Variants in CEP85 observed in about 807,000 individuals in gnomAD.
The protein encoded by CEP85 is centrosomal protein 85, also known as centrosomal protein of 85 kDa.
Under a neutral mutation model 93.7 loss-of-function variants are expected in CEP85, and 58 were observed. The ratio of observed to expected loss-of-function variants is 0.62; its 90% CI spans 0.50 to 0.77. The LOEUF is 0.77. Among genes scored for constraint, CEP85 ranks in the 30% least tolerant of loss-of-function variants. CEP85 has a pLI of 0.00. For missense variants in CEP85, 868 were observed against 922.0 expected (o/e 0.94, Z 0.76); for synonymous variants, 314 against 338.6 (o/e 0.93, Z 0.80).
chr1:26,272,634 T>G (rs2089993474), intron 11 of CEP85, among the ~76,000 whole-genome samples: 1 of 140,048 alleles, frequency 7.1e-6, no homozygotes, highest in Non-Finnish European at 1.5e-5. Flanking sequence ...TTTTTTTTTT[T>G]TTTTTTTTTT....
At chr1:26,247,742 AC>A (rs1325191338) in intron 3 of CEP85, among the ~76,000 whole-genome samples, 1 of 152,084 alleles carries the variant, frequency 6.6e-6, no homozygotes, top group Admixed American at 6.6e-5. Context: ...CCTGGGCTCA[AC>A]CTATCTTTCC....
rs2089969813 is a variant in CEP85 at position 26,271,195 on chromosome 1, T to A, written c.1743+88T>A. The stretch of plus-strand genomic sequence containing the variant: ...TAGGAGGGATACGTGAATTCTTGGC[T>A]TTGGGCTATCTAGGATTTGTTACCA... On this transcript the variant is annotated intron_variant, in intron 10 of 13. Coordinates refer to ENST00000451429, the MANE Select transcript of CEP85 (RefSeq NM_001319944.2). The A allele has an allele frequency of 2.0e-5, 16 of 797,026 alleles. No individual in the cohort carries two copies. The South Asian group carries it at 2.4e-4, about 12-fold the overall frequency. The allele number at this position is 797,026 out of a possible 1,614,324, so 49.4% of individuals were successfully genotyped here. A position where few individuals can be genotyped will look rare whatever the true frequency, so the allele number is the denominator to read the frequency against.
At chr1:26,237,493 A>G (rs1379481224) in intron 1 of CEP85, among the ~76,000 whole-genome samples, 1 of 152,198 alleles carries the variant, frequency 6.6e-6, no homozygotes, top group African/African-American at 2.4e-5. Context: ...GCATGTCTTC[A>G]GTGTTCATCC....
At position 26,257,878 on chromosome 1, in the gene CEP85, A is replaced by G. The variant is rs1028661619; in HGVS notation, c.1037+148A>G. On this transcript the variant is annotated intron_variant, in intron 5 of 13. Transcript: ENST00000451429. ...GTGGAGGTAGTTTGATAAGCAGCCT[A>G]GTCGTGTATATATAACTAATATAAT... 1.0e-5 allele frequency: 9 copies of G among 874,670 alleles called. No homozygotes were observed. The South Asian group carries it at 1.3e-4, about 13-fold the overall frequency. 54.2% of individuals were successfully genotyped at this position (874,670 alleles called of 1,614,324 possible).
chr1:26,253,976 C>T (rs1212703739), intron 3 of CEP85, among the ~76,000 whole-genome samples: 1 of 151,772 alleles, frequency 6.6e-6, no homozygotes, highest in Non-Finnish European at 1.5e-5. Flanking sequence ...GCCTGGGTGA[C>T]AGAGTGAGAC....
intron 3 of CEP85, among the ~76,000 whole-genome samples, chr1:26,252,162 CA>C (rs1557654675): frequency 2.6e-5 from 4 of 150,958 alleles, no homozygotes; most frequent in African/African-American, 9.7e-5. Context: ...ACCCAGGAGG[CA>C]GAGGTTGCGG....
At chr1:26,276,790 G>A in intron 13 of CEP85, 30 bp downstream of exon 13, 6 of 1,554,498 alleles carry the variant, frequency 3.9e-6, no homozygotes, top group Non-Finnish European at 5.3e-6. Flanking sequence ...TGGGGCCCAG[G>A]AAGGAGGGTC....
At chr1:26,267,562 C>CA (rs913668486) in intron 7 of CEP85, among the ~76,000 whole-genome samples, 2 of 151,672 alleles carry the variant, frequency 1.3e-5, no homozygotes, top group African/African-American at 2.4e-5. Flanking sequence ...GAAACTGTCT[C>CA]AAAAAAAGGG....
intron 3 of CEP85, among the ~76,000 whole-genome samples, chr1:26,249,686 T>C (rs2089573313): frequency 6.6e-6 from 1 of 152,142 alleles, no homozygotes; most frequent in Non-Finnish European, 1.5e-5. Context: ...GATTTGGTAA[T>C]AGCTGAATCT....
chr1:26,254,035 A>G (rs924530950), intron 3 of CEP85, among the ~76,000 whole-genome samples: 6 of 152,222 alleles, frequency 3.9e-5, no homozygotes, highest in Middle Eastern at 3.4e-3. Flanking sequence ...TAGCTGATCT[A>G]TACTTACATA....
chr1:26,256,578 C>T (rs2089705311), intron 4 of CEP85, among the ~76,000 whole-genome samples: 1 of 149,452 alleles, frequency 6.7e-6, no homozygotes, highest in Non-Finnish European at 1.5e-5. Flanking sequence ...CCCCTGTGTT[C>T]TCTCTACCAC....
At chr1:26,248,326 C>T (rs2124569607) in intron 3 of CEP85, among the ~76,000 whole-genome samples, 1 of 152,106 alleles carries the variant, frequency 6.6e-6, no homozygotes, top group East Asian at 1.9e-4. Context: ...AGATTTTTCC[C>T]CCATTGAAAT....
At chr1:26,243,757 T>G (rs1569966587) in intron 2 of CEP85, among the ~76,000 whole-genome samples, 1 of 152,066 alleles carries the variant, frequency 6.6e-6, no homozygotes, top group African/African-American at 2.4e-5. Context: ...CCCAGCACTT[T>G]GGGAGGCCAA....
At chr1:26,276,817 C>T in intron 13 of CEP85, 57 bp downstream of exon 13, 1 of 1,323,900 alleles carries the variant, frequency 7.6e-7, no homozygotes, top group Non-Finnish European at 1.1e-6. Flanking sequence ...TCTCTTCTCT[C>T]CCCCATCCTG....
intron 4 of CEP85, among the ~76,000 whole-genome samples, chr1:26,257,228 C>T (rs887321977): frequency 6.6e-6 from 1 of 152,170 alleles, no homozygotes; most frequent in Non-Finnish European, 1.5e-5. Context: ...CCACCGCACC[C>T]AGCATATTTT....
In CEP85 at chr1:26,276,615, A is replaced by G. The variant is rs568979819; in HGVS notation, c.1983A>G (p.Pro661=). Residue 661 remains proline, a synonymous_variant, in exon 13 of 14, where the codon CCA becomes CCG. Coordinates refer to ENST00000451429, the MANE Select transcript of CEP85 (RefSeq NM_001319944.2). ...TGCGCCAGGCCCAACCAGGGTCTCC[A>G]CCTTCACCAGACACGGCCCAGCTGG... ...EHLRQAQPGS[P]PSPDTAQLAL... The G allele has an allele frequency of 1.2e-6, 2 of 1,614,186 alleles. No individual in the cohort carries two copies. Among genetic ancestry groups the G allele is most frequent in the South Asian group, 1.1e-5 (1 of 91,088 alleles).
chr1:26,262,770 G>A (rs575426302), intron 7 of CEP85, among the ~76,000 whole-genome samples: 4 of 152,310 alleles, frequency 2.6e-5, no homozygotes, highest in African/African-American at 7.2e-5. Flanking sequence ...GCTCAAATGT[G>A]AAGGAATTCT....
chr1:26,256,956 T>TGTGTGTG (rs1557658491), intron 4 of CEP85, among the ~76,000 whole-genome samples: 1 of 149,612 alleles, frequency 6.7e-6, no homozygotes, highest in South Asian at 2.2e-4. Context: ...TGTGTGTGTG[T>TGTGTGTG]TTTGGAGACA....
At position 26,261,079 on chromosome 1, in the gene CEP85, C is replaced by T. The variant is rs1035350286; in HGVS notation, c.1341+1277C>T. Among the ~76,000 whole-genome samples, 4 of 152,002 alleles carry T rather than the reference C, an allele frequency of 2.6e-5. No homozygotes were observed. The South Asian group carries it at 6.2e-4, about 24-fold the overall frequency. ...GTGCTGGGATTACAGATGTGACCCACTGCACCCAGCTGGATTCTGCATTTC... is the reference window on the plus strand; with the variant it reads ...GTGCTGGGATTACAGATGTGACCCATTGCACCCAGCTGGATTCTGCATTTC... On this transcript the variant is annotated intron_variant, in intron 7 of 13. Transcript: ENST00000451429.
Sources: allele counts gnomAD v4.1 joint callset (sites outside exome capture counted in the v4.1 genomes callset), GRCh38; gene constraint gnomAD v4.1.1; transcripts MANE v1.5; gene names NCBI Gene and HGNC (gene_info 2026-07-23, HGNC 2026-07-21).